The following PADI4 variants were observed in gnomAD, a reference collection of about 807,000 sequenced individuals.
PADI4 encodes protein-arginine deiminase type-4.
PADI4 carries 62 observed loss-of-function variants against 75.0 expected under a neutral mutation model. The observed-to-expected ratio is 0.83, with a 90% CI of 0.67 to 1.02. The LOEUF (loss-of-function observed/expected upper bound fraction) is 1.02, where lower values mean the gene tolerates loss of function less well. Among genes scored for constraint, PADI4 ranks in the 50% least tolerant of loss-of-function variants. The pLI is 0.00. For synonymous variants in PADI4, 361 were observed against 348.1 expected, an observed-to-expected ratio of 1.04 and a Z score of -0.41; for missense variants, 845 against 850.5, an observed-to-expected ratio of 0.99 and a Z score of 0.08.
At chr1:17,340,264 C>A (rs2074394001) in intron 6 of PADI4, among the ~76,000 whole-genome samples, 1 of 152,168 alleles carries the variant, frequency 6.6e-6, no homozygotes. Context: ...AGTCCCTGCC[C>A]TCGTGTTGCT....
chr1:17,343,080 G>A (rs1186018221), intron 8 of PADI4, among the ~76,000 whole-genome samples: 1 of 151,978 alleles, frequency 6.6e-6, no homozygotes, highest in Non-Finnish European at 1.5e-5. Flanking sequence ...CCAGCTACTC[G>A]GGAGGCTGAG....
intron 1 of PADI4, among the ~76,000 whole-genome samples, chr1:17,309,949 A>C (rs1465554333): frequency 6.6e-6 from 1 of 152,140 alleles, no homozygotes; most frequent in Non-Finnish European, 1.5e-5. Context: ...TCAAGATCAC[A>C]AGTGCTTCCT....
At chr1:17,329,079 T>C (rs1314490399) in intron 1 of PADI4, among the ~76,000 whole-genome samples, 2 of 149,092 alleles carry the variant, frequency 1.3e-5, no homozygotes, top group Non-Finnish European at 3.0e-5. Flanking sequence ...ATTAATATTT[T>C]ATTAGTATCT....
At chr1:17,345,805 G>A (rs1041307950) in intron 8 of PADI4, among the ~76,000 whole-genome samples, 1 of 152,092 alleles carries the variant, frequency 6.6e-6, no homozygotes, top group African/African-American at 2.4e-5. Context: ...GCGTGAAAAC[G>A]GACTAATACA....
chr1:17,345,913 G>T, intron 8 of PADI4, 115 bp from the exon 9 acceptor site: 1 of 646,262 alleles, frequency 1.5e-6, no homozygotes, highest in Non-Finnish European at 2.8e-6. Context: ...GACGTGCCAG[G>T]AGCCTCTGTT....
chr1:17,359,038 A>G, intron 14 of PADI4, 130 bp downstream of exon 14: 1 of 708,894 alleles, frequency 1.4e-6, no homozygotes, highest in Non-Finnish European at 2.4e-6. Flanking sequence ...ACACAGAAGC[A>G]AGGGCAGAAG....
Position 17,333,992 on chromosome 1 carries a change from T to C in PADI4, c.323T>C (p.Leu108Pro), listed in dbSNP as rs1284618945. 6.2e-7 allele frequency: 1 copy of C among 1,612,418 alleles called. No individual in the cohort carries two copies. Among genetic ancestry groups the C allele is most frequent in the African/African-American group, 1.3e-5 (1 of 75,028 alleles). ...AAGACTCCACCAGTCAAAGCTCTAC[T>C]CTACCTCACCGGGGTGGGTAAGTGA... ...GPKTPPVKAL[L>P]YLTGVEISLC... Residue 108 changes from leucine to proline, a missense_variant, in exon 3 of 16, where the codon CTC becomes CCC. Physicochemically the swap from Leu to Pro is moderately conservative, Grantham distance 98 (BLOSUM62 -3). Transcript: ENST00000375448.
chr1:17,340,481 C>T (rs2074398307), intron 6 of PADI4, among the ~76,000 whole-genome samples: 1 of 152,042 alleles, frequency 6.6e-6, no homozygotes, highest in African/African-American at 2.4e-5. Flanking sequence ...TAGGAACAGC[C>T]AGACAGACAC....
chr1:17,341,016 G>A (rs1473052055), intron 6 of PADI4, among the ~76,000 whole-genome samples: 2 of 151,296 alleles, frequency 1.3e-5, no homozygotes, highest in African/African-American at 2.4e-5. Context: ...GGCCAGACAG[G>A]TCTCGAACTC....
intron 3 of PADI4, chr1:17,334,471 T>A: frequency 2.3e-6 from 1 of 443,246 alleles, no homozygotes; most frequent in South Asian, 1.6e-5. Flanking sequence ...CCTGGCTAAT[T>A]TTTGTATTTT....
chr1:17,336,934 C>T (rs556370464), intron 4 of PADI4, among the ~76,000 whole-genome samples: 14 of 152,184 alleles, frequency 9.2e-5, no homozygotes, highest in Non-Finnish European at 1.8e-4. Context: ...CGAAGGGAGG[C>T]GCCATCACTA....
At chr1:17,318,452 C>G (rs531646373) in intron 1 of PADI4, among the ~76,000 whole-genome samples, 2 of 152,170 alleles carry the variant, frequency 1.3e-5, no homozygotes, top group Non-Finnish European at 2.9e-5. Context: ...TGAACACCAA[C>G]TCAGGCAACA....
intron 15 of PADI4, among the ~76,000 whole-genome samples, chr1:17,362,727 T>A (rs1242453579): frequency 6.6e-6 from 1 of 152,070 alleles, no homozygotes; most frequent in Non-Finnish European, 1.5e-5. Flanking sequence ...GAACTTGGAG[T>A]CTAATAGCTG....
chr1:17,343,352 A>G (rs1246793899), intron 8 of PADI4, among the ~76,000 whole-genome samples: 1 of 152,116 alleles, frequency 6.6e-6, no homozygotes, highest in Non-Finnish European at 1.5e-5. Context: ...GCAGTCTGAG[A>G]GCCGCTGACA....
chr1:17,337,114 C>G (rs1162812789), intron 4 of PADI4, among the ~76,000 whole-genome samples: 4 of 151,902 alleles, frequency 2.6e-5, no homozygotes, highest in African/African-American at 7.3e-5. Context: ...TTTGGTTTGT[C>G]AAGCTCAACA....
At chr1:17,318,789 C>A (rs1289716285) in intron 1 of PADI4, among the ~76,000 whole-genome samples, 3 of 151,616 alleles carry the variant, frequency 2.0e-5, no homozygotes, top group Non-Finnish European at 4.4e-5. Context: ...GGGTTCATGC[C>A]ATTCTCTTGC....
chr1:17,358,812 C>CT (rs751036451), intron 13 of PADI4, 26 bp from the exon 14 acceptor site: 52 of 1,521,076 alleles, frequency 3.4e-5, no homozygotes, highest in South Asian at 4.7e-5. Context: ...GTTCATTTGC[C>CT]TTTTTTTTCT....
intron 1 of PADI4, among the ~76,000 whole-genome samples, chr1:17,317,282 A>C (rs34298414): frequency 0.55 from 83,257 of 151,420 alleles, 23,156 homozygotes; most frequent in East Asian, 0.6. Flanking sequence ...CCACAGACAT[A>C]ATGCCGACGG....
intron 6 of PADI4, 65 bp from the exon 7 acceptor site, chr1:17,341,878 A>C: frequency 5.4e-6 from 7 of 1,284,906 alleles, no homozygotes; most frequent in African/African-American, 1.5e-5. Flanking sequence ...GGGAGCACTA[A>C]GGAGAGGAGG....
Sources: allele counts gnomAD v4.1 joint callset (sites outside exome capture counted in the v4.1 genomes callset), GRCh38; gene constraint gnomAD v4.1.1; transcripts MANE v1.5; gene names NCBI Gene and HGNC (gene_info 2026-07-23, HGNC 2026-07-21).